MAP2K5: variants seen among roughly 807,000 people sequenced by gnomAD.
MAP2K5 encodes the protein dual specificity mitogen-activated protein kinase kinase 5.
A neutral mutation model predicts 83.1 loss-of-function variants in MAP2K5; 49 were observed. That is an observed-to-expected ratio of 0.59 (90% CI 0.47 to 0.75). The LOEUF is 0.75. MAP2K5 is among the 30% of genes least tolerant of loss of function. The probability of loss-of-function intolerance (pLI) is 0.00; values close to 1 mark genes in which losing one functional copy is unlikely to be tolerated. For missense variants in MAP2K5, 457 were observed against 557.5 expected (o/e 0.82, Z 1.82); for synonymous variants, 202 against 191.8 (o/e 1.05, Z -0.44).
In MAP2K5 at chr15:67,722,430, T is replaced by G. The variant is rs1344579842; in HGVS notation, c.1045-5486T>G. 6.6e-6 allele frequency among the ~76,000 whole-genome samples: 1 copy of G among 152,150 alleles called. No homozygotes were observed. On this transcript the variant is annotated intron_variant, in intron 16 of 21. Transcript: ENST00000178640. The surrounding 1 kb of genome is among the most constrained non-coding windows in gnomAD (Gnocchi z 4.2). ...CCTACTTCAAGACGCTTTGTGTTTC[T>G]GTGTTCTTTGTTGTCAGTTTAACCT...
chr15:67,773,718 T>A (rs766898755), intron 21 of MAP2K5, among the ~76,000 whole-genome samples: 1 of 152,216 alleles, frequency 6.6e-6, no homozygotes, highest in Non-Finnish European at 1.5e-5. Context: ...AATCTCAGTT[T>A]TCAGGGTAGT....
chr15:67,744,647 T>C (rs1224649852), intron 17 of MAP2K5, among the ~76,000 whole-genome samples: 2 of 152,234 alleles, frequency 1.3e-5, no homozygotes, highest in Non-Finnish European at 2.9e-5. Context: ...AAGATCTGTT[T>C]TACCACTTAT....
intron 19 of MAP2K5, among the ~76,000 whole-genome samples, chr15:67,754,077 C>T (rs1292038785): frequency 6.6e-6 from 1 of 152,152 alleles, no homozygotes; most frequent in African/African-American, 2.4e-5. Context: ...TATGAAATGT[C>T]CACAATAGGG....
intron 6 of MAP2K5, among the ~76,000 whole-genome samples, chr15:67,589,775 G>A (rs1479051761): frequency 2.3e-4 from 9 of 39,078 alleles, no homozygotes; most frequent in Non-Finnish European, 4.5e-4. Flanking sequence ...AAAAATGTGT[G>A]TGTGTGTATG....
rs62015177 is a variant in MAP2K5 at position 67,750,429 on chromosome 15, C to A, written c.1134+1828C>A. Reference sequence around the variant, plus strand: ...TTAGACAAGATGAATCATAGCATCTCGGAAAGGAAGGATTGGTGGGGTCCT... The same window carrying A: ...TTAGACAAGATGAATCATAGCATCTAGGAAAGGAAGGATTGGTGGGGTCCT... On this transcript the variant is annotated intron_variant, in intron 19 of 21. Transcript: ENST00000178640. This position sits in a 1 kb window ranked among gnomAD's most constrained non-coding sequence, Gnocchi z 4.2. 0.11 allele frequency among the ~76,000 whole-genome samples: 16,496 copies of A among 152,110 alleles called. 984 individuals are homozygous for A. The highest frequency in any genetic ancestry group is 0.11 in the Admixed American group (1,694 of 15,286).
In MAP2K5 at chr15:67,653,890, C is replaced by T. The variant is rs547456038; in HGVS notation, c.737-4663C>T. Reference sequence around the variant, plus strand: ...GTTGTGTTTTTATTTTCATTAATCTCAAAGTATTTTCCATTTTTCTATGAT... The same window carrying T: ...GTTGTGTTTTTATTTTCATTAATCTTAAAGTATTTTCCATTTTTCTATGAT... On this transcript the variant is annotated intron_variant, in intron 11 of 21. Coordinates refer to ENST00000178640, the MANE Select transcript of MAP2K5 (RefSeq NM_145160.3). 4.6e-5 allele frequency among the ~76,000 whole-genome samples: 7 copies of T among 152,188 alleles called. No individual in the cohort carries two copies. In the South Asian group the frequency reaches 1.4e-3, roughly 32 times the overall value.
chr15:67,652,605 T>A lies in MAP2K5; in HGVS notation c.737-5948T>A, dbSNP rs1302705952. Among the ~76,000 whole-genome samples the A allele has an allele frequency of 6.6e-6, 1 of 152,154 alleles. No individual in the cohort carries two copies. Among genetic ancestry groups the A allele is most frequent in the Admixed American group, 6.5e-5 (1 of 15,274 alleles). ...CTCTCACGAGGCCCCATCTTCAACA[T>A]TGGGAGTGAGATTTCAACATGAGTT... On this transcript the variant is annotated intron_variant, in intron 11 of 21. Transcript: ENST00000178640. This position sits in a 1 kb window ranked among gnomAD's most constrained non-coding sequence, Gnocchi z 4.2.
In MAP2K5 at chr15:67,793,379, ATTTGTCCC is replaced by A. The variant is rs1374899404; in HGVS notation, c.1243-13265_1243-13258del. Among the ~76,000 whole-genome samples, 2 of 152,128 alleles carry A rather than the reference ATTTGTCCC, an allele frequency of 1.3e-5. No homozygotes were observed. Among genetic ancestry groups the A allele is most frequent in the Non-Finnish European group, 2.9e-5 (2 of 68,016 alleles). On this transcript the variant is annotated intron_variant, in intron 21 of 21. Transcript: ENST00000178640. The surrounding 1 kb of genome is among the most constrained non-coding windows in gnomAD (Gnocchi z 4.6). ...TCCTGATATTGACACGAGTAGGGCC[ATTTGTCCC>A]TAGGCTGGTTGACCCCAAGCTGGTT...
chr15:67,588,297 T>C (rs1181859621), intron 6 of MAP2K5, among the ~76,000 whole-genome samples: 1 of 152,204 alleles, frequency 6.6e-6, no homozygotes, highest in African/African-American at 2.4e-5. Flanking sequence ...TTTCCCGTTT[T>C]CCTGTTTCTT....
Position 67,698,567 on chromosome 15 carries a change from TC to T in MAP2K5, c.973-4768del, listed in dbSNP as rs562014043. 2.2e-4 allele frequency among the ~76,000 whole-genome samples: 33 copies of T among 152,322 alleles called. 1 individual carries two copies. In the East Asian group the frequency reaches 6.4e-3, roughly 29 times the overall value. On this transcript the variant is annotated intron_variant, in intron 15 of 21. Transcript: ENST00000178640. The surrounding 1 kb of genome is among the most constrained non-coding windows in gnomAD (Gnocchi z 4.5). ...AAAACTTTAACCAACTATTCAGTCT[TC>T]CTGGCTTACTATCATTTTAAAAATC...
In MAP2K5 at chr15:67,652,260, C is replaced by T. The variant is rs1041853218; in HGVS notation, c.736+5791C>T. On this transcript the variant is annotated intron_variant, in intron 11 of 21. Transcript: ENST00000178640. The surrounding 1 kb of genome is among the most constrained non-coding windows in gnomAD (Gnocchi z 4.2). ...TTTAAATTATGATATAATACTCATA[C>T]AAAAATTTTAACCTTATTAGCCATG... 6.6e-6 allele frequency among the ~76,000 whole-genome samples: 1 copy of T among 152,088 alleles called. No homozygotes were observed. The highest frequency in any genetic ancestry group is 2.4e-5 in the African/African-American group (1 of 41,416).
intron 2 of MAP2K5, among the ~76,000 whole-genome samples, chr15:67,551,792 A>G (rs546942877): frequency 4.5e-4 from 68 of 152,344 alleles, no homozygotes; most frequent in South Asian, 2.5e-3. Context: ...CTAAATGCCT[A>G]TTATAATGGA....
At position 67,600,766 on chromosome 15, in the gene MAP2K5, G is replaced by T; in HGVS notation, c.545+17G>T. 1 of 1,581,722 alleles carries T rather than the reference G, an allele frequency of 6.3e-7. No individual in the cohort carries two copies. Among genetic ancestry groups the T allele is most frequent in the African/African-American group, 1.4e-5 (1 of 72,436 alleles). ...AGTCTACAAGTGAGTAGTCAATTTTGTTTAAACTTTCTATCCGCTTTTCCA... is the reference window on the plus strand; with the variant it reads ...AGTCTACAAGTGAGTAGTCAATTTTTTTTAAACTTTCTATCCGCTTTTCCA... On this transcript the variant is annotated intron_variant, in intron 8 of 21. Coordinates refer to ENST00000178640, the MANE Select transcript of MAP2K5 (RefSeq NM_145160.3).
chr15:67,645,432 C>T (rs560623915), intron 9 of MAP2K5, among the ~76,000 whole-genome samples: 12 of 152,256 alleles, frequency 7.9e-5, no homozygotes, highest in African/African-American at 2.2e-4. Context: ...GAACCAAGAT[C>T]GCCCCACTGC....
chr15:67,546,494 C>G, intron 1 of MAP2K5: 1 of 678,968 alleles, frequency 1.5e-6, no homozygotes, highest in Non-Finnish European at 1.8e-6. Context: ...GCTGGGAGAC[C>G]CTGGGCAAGT....
chr15:67,571,087 C>T (rs764858522), intron 3 of MAP2K5, among the ~76,000 whole-genome samples: 4 of 152,222 alleles, frequency 2.6e-5, no homozygotes, highest in Non-Finnish European at 4.4e-5. Flanking sequence ...ATCAGTTCCT[C>T]TCTGGATTCT....
In MAP2K5 at chr15:67,778,151, C is replaced by CTTACTAAGAG. The variant is rs2090270649; in HGVS notation, c.1242+5399_1242+5400insTTACTAAGAG. 6.6e-6 allele frequency among the ~76,000 whole-genome samples: 1 copy of CTTACTAAGAG among 152,178 alleles called. No homozygotes were observed. On this transcript the variant is annotated intron_variant, in intron 21 of 21. Coordinates refer to ENST00000178640, the MANE Select transcript of MAP2K5 (RefSeq NM_145160.3). This position sits in a 1 kb window ranked among gnomAD's most constrained non-coding sequence, Gnocchi z 5.0. Reference sequence around the variant, plus strand: ...ACTGCTCTAGAAAAATCTGTTTAAACATTTAATTACTTACTAAGAGATGTT... The same window carrying CTTACTAAGAG: ...ACTGCTCTAGAAAAATCTGTTTAAACTTACTAAGAGATTTAATTACTTACTAAGAGATGTT...
At chr15:67,554,363 A>G (rs544114168) in intron 2 of MAP2K5, among the ~76,000 whole-genome samples, 1 of 152,352 alleles carries the variant, frequency 6.6e-6, no homozygotes, top group African/African-American at 2.4e-5. Flanking sequence ...CTGGCCTTAT[A>G]GTAATACATT....
intron 17 of MAP2K5, among the ~76,000 whole-genome samples, chr15:67,743,241 G>T (rs1156355471): frequency 6.6e-6 from 1 of 152,216 alleles, no homozygotes; most frequent in Non-Finnish European, 1.5e-5. Flanking sequence ...GTAGATCTTA[G>T]AATGCGAGAA....
Sources: gnomAD v4.1 joint callset for allele counts (sites outside exome capture counted in the v4.1 genomes callset) on GRCh38, gnomAD v4.1.1 for gene constraint, Gnocchi (gnomAD v3.1) non-coding constraint, MANE v1.5 for transcripts, NCBI Gene and HGNC (gene_info 2026-07-23, HGNC 2026-07-21) for gene names.